The following MUC12 variants were observed in gnomAD, a reference collection of about 807,000 sequenced individuals.
MUC12 encodes mucin 12, cell surface associated, also known as mucin-12.
In MUC12, 172 loss-of-function variants were observed where a neutral mutation model predicts 230.8. The ratio of observed to expected loss-of-function variants is 0.75; its 90% CI spans 0.66 to 0.85. MUC12 has a LOEUF of 0.85. Among genes scored for constraint, MUC12 ranks in the 40% least tolerant of loss-of-function variants. The pLI is 0.00. For missense variants in MUC12, 3,506 were observed against 5,920.6 expected (o/e 0.59, Z 13.38); for synonymous variants, 1,259 against 2,401.9 (o/e 0.52, Z 13.91).
chr7:100,971,912 A>C (rs1251021158), intron 1 of MUC12, among the ~76,000 whole-genome samples: 7 of 152,312 alleles, frequency 4.6e-5, no homozygotes, highest in Admixed American at 3.9e-4. Flanking sequence ...GCCCCCAAGC[A>C]ACCAAAAACC....
At chr7:100,978,510 G>C (rs1241478236) in intron 1 of MUC12, among the ~76,000 whole-genome samples, 1 of 152,150 alleles carries the variant, frequency 6.6e-6, no homozygotes, top group Non-Finnish European at 1.5e-5. Context: ...AGGTTCGCTG[G>C]ATTGCACAAG....
rs1225558828 is a variant in MUC12, at chr7:100,993,376, T to A, written c.2813T>A (p.Phe938Tyr). The A allele has an allele frequency of 4.9e-6, 5 of 1,024,164 alleles. 1 individual carries two copies. In the South Asian group the frequency reaches 8.3e-5, roughly 17 times the overall value. The allele number at this position is 1,024,164 out of a possible 1,614,324, so 63.4% of individuals were successfully genotyped here. Residue 938 changes from phenylalanine (F) to tyrosine (Y), a missense_variant, in exon 2 of 12, where the codon TTC becomes TAC. Physicochemically the swap from Phe to Tyr is conservative, Grantham distance 22 (BLOSUM62 3). Coordinates refer to ENST00000536621, the MANE Select transcript of MUC12 (RefSeq NM_001164462.2). ...TCCTTTGGTCAAGAATCTACAACCT[T>A]CCACAGCAACCCAGGCTCCACTCAC... is the stretch of plus-strand genomic sequence containing the variant. Reference protein sequence around the residue: ...ALSFGQESTTFHSNPGSTHTT... With the variant: ...ALSFGQESTTYHSNPGSTHTT...
intron 11 of MUC12, 34 bp from the exon 12 acceptor site, chr7:101,018,561 C>T (rs1793995512): frequency 2.6e-6 from 4 of 1,535,668 alleles, no homozygotes; most frequent in African/African-American, 1.4e-5. Flanking sequence ...CCGGGTCTGC[C>T]CCTTGGCCTC....
chr7:101,014,261 A>T, intron 9 of MUC12, 187 bp downstream of exon 9: 1 of 538,252 alleles, frequency 1.9e-6, no homozygotes. Flanking sequence ...TGTAGGATAC[A>T]TCAATTTGGC....
Position 101,009,128 on chromosome 7 carries a change from C to T in MUC12, c.15220C>T (p.Gln5074Ter), listed in dbSNP as rs935273857. Residue 5074 changes from glutamine to a stop codon, truncating the protein, a stop_gained, in exon 5 of 12, where the codon CAG (glutamine) becomes TAG (stop). Coordinates refer to ENST00000536621, the MANE Select transcript of MUC12 (RefSeq NM_001164462.2). LOFTEE classifies it high-confidence loss of function. The stretch of plus-strand genomic sequence containing the variant: ...CGTTTTGAAGGGCGACAATCTTCCT[C>T]AGTATAGAGGGGTGAACATTCGGAG... ...DVVLKGDNLP[Q>*]YRGVNIRRLL... is the part of the protein sequence containing the mutation. 7 of 1,537,792 alleles carry T rather than the reference C, an allele frequency of 4.6e-6. No homozygotes were observed.
chr7:101,009,055 C>G (rs909406238), intron 4 of MUC12, 40 bp from the exon 5 acceptor site: 3 of 1,532,300 alleles, frequency 2.0e-6, no homozygotes, highest in Non-Finnish European at 2.6e-6. Context: ...AGTCTTCATG[C>G]TCTAGCTTTG....
At position 101,006,589 on chromosome 7, in the gene MUC12, A is replaced by G; in HGVS notation, c.15058+17A>G. The stretch of plus-strand genomic sequence containing the variant: ...TCCCTGTAGGTAATGACCTTTTCTG[A>G]GACCTGCAGCTCTTTGCAGGCCCTT... On this transcript the variant is annotated intron_variant, in intron 3 of 11. Coordinates refer to ENST00000536621, the MANE Select transcript of MUC12 (RefSeq NM_001164462.2). 6.7e-7 allele frequency: 1 copy of G among 1,496,038 alleles called. No homozygotes were observed. The highest frequency in any genetic ancestry group is 2.5e-5 in the East Asian group (1 of 40,724). The allele number at this position is 1,496,038 out of a possible 1,614,324, so 92.7% of individuals were successfully genotyped here. A position where few individuals can be genotyped will look rare whatever the true frequency, so the allele number is the denominator to read the frequency against.
chr7:101,008,101 G>T (rs1434526131), intron 3 of MUC12, among the ~76,000 whole-genome samples: 1 of 150,904 alleles, frequency 6.6e-6, no homozygotes, highest in African/African-American at 2.4e-5. Flanking sequence ...ACCGCGCCCG[G>T]CCGGTAGCTC....
At chr7:100,972,818 C>T (rs1471739888) in intron 1 of MUC12, 1 of 696,492 alleles carries the variant, frequency 1.4e-6, no homozygotes, top group Non-Finnish European at 2.6e-6. Flanking sequence ...GCATCTGTAG[C>T]TTTTCTTCCT....
At chr7:100,986,279 C>T (rs894343946) in intron 1 of MUC12, among the ~76,000 whole-genome samples, 1 of 152,070 alleles carries the variant, frequency 6.6e-6, no homozygotes, top group African/African-American at 2.4e-5. Flanking sequence ...GCAGGAGGAT[C>T]GCTCCAGCCT....
At chr7:101,011,740 A>T (rs1793842030) in intron 5 of MUC12, among the ~76,000 whole-genome samples, 1 of 152,282 alleles carries the variant, frequency 6.6e-6, no homozygotes, top group African/African-American at 2.4e-5. Flanking sequence ...TTCCTTTTTA[A>T]GGCTAAATAA....
chr7:100,992,211 A>G lies in MUC12; in HGVS notation c.1648A>G (p.Thr550Ala), dbSNP rs1423849624. 6 of 1,537,926 alleles carry G rather than the reference A, an allele frequency of 3.9e-6. No homozygotes were observed. The highest frequency in any genetic ancestry group is 5.2e-6 in the Non-Finnish European group (6 of 1,147,056). ...CATGCCAGGCCTCAGTCAGGAATCT[A>G]CAGCTTCCCACAGCAGCCCAGGCCC... ...TTMPGLSQES[T>A]ASHSSPGPTD... Residue 550 changes from threonine (T) to alanine (A), a missense_variant, in exon 2 of 12, where the codon ACA becomes GCA. By Grantham distance (58) the Thr-to-Ala change is moderately conservative. Coordinates refer to ENST00000536621, the MANE Select transcript of MUC12 (RefSeq NM_001164462.2).
chr7:100,982,068 T>A (rs1793117090), intron 1 of MUC12, among the ~76,000 whole-genome samples: 1 of 152,030 alleles, frequency 6.6e-6, no homozygotes, highest in South Asian at 2.1e-4. Flanking sequence ...GGTTTCACCG[T>A]GTTGGCCAGG....
chr7:101,005,623 C>A, intron 2 of MUC12, 104 bp downstream of exon 2: 1 of 1,348,680 alleles, frequency 7.4e-7, no homozygotes, highest in Non-Finnish European at 9.9e-7. Context: ...CTCTGTCTTC[C>A]ACTTTACTTG....
chr7:100,990,500 G>T (rs1793262998), intron 1 of MUC12, 131 bp from the exon 2 acceptor site: 3 of 1,130,866 alleles, frequency 2.7e-6, no homozygotes, highest in Admixed American at 2.5e-5. Flanking sequence ...CCCCCAAAAG[G>T]GAAACTTGAG....
At position 101,005,603 on chromosome 7, in the gene MUC12, G is replaced by T. The variant is rs763977198; in HGVS notation, c.14956+84G>T. 47 of 1,409,912 alleles carry T rather than the reference G, an allele frequency of 3.3e-5. No homozygotes were observed. In the Admixed American group the frequency reaches 3.8e-4, roughly 12 times the overall value. 87.3% of individuals were successfully genotyped at this position (1,409,912 alleles called of 1,614,324 possible). ...TTCTTCATCCATTACAACCTCTCTT[G>T]GTTCTTTTCCTCTGTCTTCCACTTT... On this transcript the variant is annotated intron_variant, in intron 2 of 11. Transcript: ENST00000536621.
chr7:101,007,062 G>A (rs1037017268), intron 3 of MUC12, among the ~76,000 whole-genome samples: 3 of 152,158 alleles, frequency 2.0e-5, no homozygotes, highest in Non-Finnish European at 4.4e-5. Context: ...GGGTTCAGGT[G>A]ATTCTCCTGC....
intron 1 of MUC12, chr7:100,981,384 G>T: frequency 1.5e-6 from 1 of 647,720 alleles, no homozygotes; most frequent in South Asian, 1.6e-5. Flanking sequence ...TGAAGAACCT[G>T]GGCTTGGTGG....
chr7:101,016,788 T>C (rs1193740495), intron 10 of MUC12: 1 of 152,170 alleles, frequency 6.6e-6, no homozygotes, highest in Non-Finnish European at 1.5e-5. Flanking sequence ...TCCGGGATTG[T>C]CCGAGCTGAC....
Sources: gnomAD v4.1 joint callset for allele counts (sites outside exome capture counted in the v4.1 genomes callset) on GRCh38, gnomAD v4.1.1 for gene constraint, MANE v1.5 for transcripts, NCBI Gene and HGNC (gene_info 2026-07-23, HGNC 2026-07-21) for gene names.